Variants in C5orf46 observed in about 807,000 individuals in gnomAD.
C5orf46 encodes uncharacterized protein C5orf46.
Under a neutral mutation model 8.9 loss-of-function variants are expected in C5orf46, and 9 were observed. The ratio of observed to expected loss-of-function variants is 1.01; its 90% CI spans 0.61 to 1.76. The LOEUF is 1.76. C5orf46 is among the 40% of genes most tolerant of loss of function. C5orf46 has a pLI of 0.00. For synonymous variants in C5orf46, 47 were observed against 41.4 expected (o/e 1.14, Z -0.52); for missense variants, 98 against 107.8 (o/e 0.91, Z 0.40).
At chr5:147,905,091 G>T (rs182682685) in intron 1 of C5orf46, among the ~76,000 whole-genome samples, 2 of 151,662 alleles carry the variant, frequency 1.3e-5, no homozygotes, top group African/African-American at 4.8e-5. Flanking sequence ...AATATTAAAC[G>T]ATTGATATCC....
At chr5:147,901,403 T>A (rs75114413) in intron 2 of C5orf46, 1 of 325,432 alleles carries the variant, frequency 3.1e-6, no homozygotes. Context: ...AAAAAAAAAA[T>A]CCTGTATGGA....
chr5:147,901,155 C>T (rs374437178), intron 2 of C5orf46, among the ~76,000 whole-genome samples: 6 of 152,128 alleles, frequency 3.9e-5, no homozygotes, highest in South Asian at 2.1e-4. Context: ...CCATCACTAA[C>T]GAACATATCA....
downstream of C5orf46, among the ~76,000 whole-genome samples, chr5:147,892,330 A>G (rs1757513306): frequency 6.6e-6 from 1 of 152,226 alleles, no homozygotes; most frequent in Non-Finnish European, 1.5e-5. Context: ...TATGAGAAAA[A>G]TAGTGACTCT....
downstream of C5orf46, among the ~76,000 whole-genome samples, chr5:147,888,434 G>A (rs1757453712): frequency 6.6e-6 from 1 of 152,250 alleles, no homozygotes; most frequent in East Asian, 1.9e-4. Flanking sequence ...GGTCCTGTAA[G>A]ACTTACTTTC....
At chr5:147,892,328 A>T (rs1757513276), downstream of C5orf46, among the ~76,000 whole-genome samples, 1 of 152,236 alleles carries the variant, frequency 6.6e-6, no homozygotes, top group Admixed American at 6.5e-5. Context: ...TTTATGAGAA[A>T]AATAGTGACT....
At chr5:147,894,119 C>T (rs867461748) in intron 3 of C5orf46, among the ~76,000 whole-genome samples, 1 of 152,024 alleles carries the variant, frequency 6.6e-6, no homozygotes, top group Non-Finnish European at 1.5e-5. Flanking sequence ...GTACATTTTG[C>T]CTTAATCCAA....
At chr5:147,899,723 A>G (rs558421167) in intron 2 of C5orf46, among the ~76,000 whole-genome samples, 47 of 152,360 alleles carry the variant, frequency 3.1e-4, no homozygotes, top group African/African-American at 1.1e-3. Flanking sequence ...TGGGAATGGA[A>G]GAAGACAGTA....
At chr5:147,895,831 CG>C (rs1757571083) in intron 3 of C5orf46, among the ~76,000 whole-genome samples, 1 of 152,132 alleles carries the variant, frequency 6.6e-6, no homozygotes, top group East Asian at 1.9e-4. Context: ...TCAGGAGTGT[CG>C]GGGTTGGGCA....
At chr5:147,894,645 A>G (rs1449741988) in intron 3 of C5orf46, among the ~76,000 whole-genome samples, 7 of 151,846 alleles carry the variant, frequency 4.6e-5, no homozygotes, top group Admixed American at 4.6e-4. Context: ...ACACAGAGCT[A>G]TGTGATTGCT....
chr5:147,887,474 A>G (rs1757440089), intron 2 of C5orf46: 1 of 152,138 alleles, frequency 6.6e-6, no homozygotes, highest in Admixed American at 6.6e-5. Context: ...TCTGATACTG[A>G]CAATGACCAT....
intron 2 of C5orf46, among the ~76,000 whole-genome samples, chr5:147,899,896 T>C (rs1439232241): frequency 1.3e-5 from 2 of 152,122 alleles, no homozygotes; most frequent in Non-Finnish European, 2.9e-5. Context: ...AGAAGGTCAT[T>C]TACTCAGAAT....
intron 2 of C5orf46, 89 bp downstream of exon 2, chr5:147,901,540 T>A (rs1404193574): frequency 8.3e-7 from 1 of 1,200,228 alleles, no homozygotes; most frequent in East Asian, 2.5e-5. Context: ...ACAAATTTTG[T>A]TTCTCATGTA....
chr5:147,888,174 T>A (rs1757450803), downstream of C5orf46, among the ~76,000 whole-genome samples: 1 of 152,168 alleles, frequency 6.6e-6, no homozygotes, highest in Admixed American at 6.6e-5. Context: ...AATCACCATG[T>A]CCTGTCAACC....
chr5:147,894,920 G>A (rs1186003196), intron 3 of C5orf46, among the ~76,000 whole-genome samples: 3 of 151,734 alleles, frequency 2.0e-5, no homozygotes, highest in Admixed American at 6.6e-5. Context: ...AAAATTAGCC[G>A]GGTGTGGTGA....
intron 1 of C5orf46, 90 bp from the exon 2 acceptor site, chr5:147,901,863 C>T (rs1757677156): frequency 1.4e-6 from 2 of 1,411,420 alleles, no homozygotes; most frequent in Admixed American, 2.3e-5. Flanking sequence ...TTCTTTCTGA[C>T]CCACTCACAA....
At position 147,893,632 on chromosome 5, in the gene C5orf46, T is replaced by G. The variant is rs554363203; in HGVS notation, c.*10-693A>C. ...ATCTTGGTTTACCACAACCTCTGCC[T>G]CCCTGGTTCAAGCGATTCTCCTGCC... On this transcript the variant is annotated intron_variant, in intron 3 of 3. Coordinates refer to ENST00000318315, the MANE Select transcript of C5orf46 (RefSeq NM_206966.3). Among the ~76,000 whole-genome samples, 3 of 152,234 alleles carry G rather than the reference T, an allele frequency of 2.0e-5. No individual in the cohort carries two copies. In the South Asian group the frequency reaches 6.2e-4, roughly 32 times the overall value.
At chr5:147,896,001 C>T (rs1038378510) in intron 3 of C5orf46, among the ~76,000 whole-genome samples, 1 of 152,112 alleles carries the variant, frequency 6.6e-6, no homozygotes, top group Non-Finnish European at 1.5e-5. Context: ...CATTTCCAGA[C>T]CAGATCACAA....
downstream of C5orf46, among the ~76,000 whole-genome samples, chr5:147,888,757 T>G (rs1398591050): frequency 6.6e-6 from 1 of 152,196 alleles, no homozygotes; most frequent in Non-Finnish European, 1.5e-5. Context: ...GATTATCTGA[T>G]GATTTTTTGT....
chr5:147,892,595 T>C (rs917045591), downstream of C5orf46: 4 of 152,162 alleles, frequency 2.6e-5, no homozygotes, highest in Non-Finnish European at 5.9e-5. Flanking sequence ...TTTTGAACCA[T>C]TCTTTGGTTA....
Sources: gnomAD v4.1 joint callset for allele counts (sites outside exome capture counted in the v4.1 genomes callset) on GRCh38, gnomAD v4.1.1 for gene constraint, MANE v1.5 for transcripts, NCBI Gene and HGNC (gene_info 2026-07-23, HGNC 2026-07-21) for gene names.